COL20A1: variants seen among roughly 807,000 people sequenced by gnomAD.
COL20A1 encodes the protein collagen type XX alpha 1 chain.
In COL20A1, 164 loss-of-function variants were observed where a neutral mutation model predicts 152.9. The ratio of observed to expected loss-of-function variants is 1.07; its 90% CI spans 0.94 to 1.22. The LOEUF (loss-of-function observed/expected upper bound fraction) is 1.22, where lower values mean the gene tolerates loss of function less well. COL20A1 is among the 50% of genes most tolerant of loss of function. The probability of loss-of-function intolerance (pLI) is 0.00; values close to 1 mark genes in which losing one functional copy is unlikely to be tolerated. For synonymous variants in COL20A1, 864 were observed against 756.0 expected, an observed-to-expected ratio of 1.14 and a Z score of -2.34; for missense variants, 1,873 against 1,744.8, an observed-to-expected ratio of 1.07 and a Z score of -1.31.
In COL20A1 at chr20:63,313,825, G is replaced by A. The variant is rs373538527; in HGVS notation, c.2292G>A (p.Pro764=). 13 of 1,611,086 alleles carry A rather than the reference G, an allele frequency of 8.1e-6. 1 individual carries two copies. Among genetic ancestry groups the A allele is most frequent in the East Asian group, 4.5e-5 (2 of 44,858 alleles). Residue 764 remains proline, a synonymous_variant, in exon 18 of 36, where the codon CCG becomes CCA. Transcript: ENST00000358894. This position sits in a 1 kb window ranked among gnomAD's most constrained non-coding sequence, Gnocchi z 5.9. ...PDSLQVSWTP[P]LGRVLHYWLT... ...GCCTGCAGGTCAGCTGGACGCCCCCGCTTGGCCGCGTGCTCCATTACTGGC... is the reference window on the plus strand; with the variant it reads ...GCCTGCAGGTCAGCTGGACGCCCCCACTTGGCCGCGTGCTCCATTACTGGC...
At chr20:63,302,355 C>CT (rs543298798) in intron 3 of COL20A1, among the ~76,000 whole-genome samples, 69 of 152,260 alleles carry the variant, frequency 4.5e-4, no homozygotes, top group Non-Finnish European at 8.1e-4. Flanking sequence ...GAATCTCACT[C>CT]TGTCACTCAG....
chr20:63,312,913 G>T lies in COL20A1; in HGVS notation c.2055G>T (p.Leu685=). 1 of 1,555,726 alleles carries T rather than the reference G, an allele frequency of 6.4e-7. No individual in the cohort carries two copies. Among genetic ancestry groups the T allele is most frequent in the East Asian group, 2.4e-5 (1 of 41,450 alleles). Residue 685 remains leucine (L), a synonymous_variant, in exon 16 of 36, where the codon CTG becomes CTT. Transcript: ENST00000358894. ...VLVYQITWTP[L]GEGKAHEISV... is the part of the protein sequence containing the mutation. ...TCTACCAGATCACGTGGACGCCCCT[G>T]GGAGAGGGGAAGGCTCACGAGGTGG...
At chr20:63,309,587 C>A in intron 9 of COL20A1, 90 bp downstream of exon 9, 29 of 1,324,014 alleles carry the variant, frequency 2.2e-5, no homozygotes, top group Non-Finnish European at 2.9e-5. Context: ...CGTGTGGTAC[C>A]TGAGGCCGGC....
At position 63,319,626 on chromosome 20, in the gene COL20A1, C is replaced by A. The variant is rs772982482; in HGVS notation, c.2916+30C>A. ...TGGTGCAGCTCGCGCCCCTCTCCCC[C>A]GTTCCCCCAGCTCTGGGGCAGCCCA... On this transcript the variant is annotated intron_variant, in intron 23 of 35. Coordinates refer to ENST00000358894, the MANE Select transcript of COL20A1 (RefSeq NM_020882.4). This position sits in a 1 kb window ranked among gnomAD's most constrained non-coding sequence, Gnocchi z 4.4. The A allele has an allele frequency of 6.7e-7, 1 of 1,485,770 alleles. No individual in the cohort carries two copies. Among genetic ancestry groups the A allele is most frequent in the Non-Finnish European group, 9.2e-7 (1 of 1,089,350 alleles). The allele number at this position is 1,485,770 out of a possible 1,614,324, so 92.0% of individuals were successfully genotyped here. A position where few individuals can be genotyped will look rare whatever the true frequency, so the allele number is the denominator to read the frequency against.
At chr20:63,312,144 A>G in intron 14 of COL20A1, 89 bp downstream of exon 14, 1 of 1,401,850 alleles carries the variant, frequency 7.1e-7, no homozygotes, top group East Asian at 2.4e-5. Flanking sequence ...ACCATCAGAT[A>G]ACACATTCAA....
At chr20:63,295,659 C>T (rs1159290380) in intron 2 of COL20A1, among the ~76,000 whole-genome samples, 1 of 152,224 alleles carries the variant, frequency 6.6e-6, no homozygotes, top group Non-Finnish European at 1.5e-5. Flanking sequence ...CTCAGAAGGC[C>T]CCTCCAGTCT....
chr20:63,314,224 G>T, intron 19 of COL20A1, 23 bp downstream of exon 19: 1 of 1,545,514 alleles, frequency 6.5e-7, no homozygotes, highest in South Asian at 1.2e-5. Context: ...CAAGACCCCA[G>T]ACCCAGGTAG....
intron 1 of COL20A1, 144 bp from the exon 2 acceptor site, chr20:63,294,954 C>T (rs1253638379): frequency 3.3e-6 from 2 of 597,998 alleles, no homozygotes; most frequent in African/African-American, 3.7e-5. Flanking sequence ...TTGCAGGCCT[C>T]TGGTCCTCAC....
Position 63,305,202 on chromosome 20 carries a change from ATCT to A in COL20A1, c.194-210_194-208del, listed in dbSNP as rs1278883602. Reference sequence around the variant, plus strand: ...CCTCTAGGGGGGTTTAGTAAGTGACATCTTCTTTTCACCGCCCCAAGACCCCCA... The same window carrying A: ...CCTCTAGGGGGGTTTAGTAAGTGACATCTTTTCACCGCCCCAAGACCCCCA... On this transcript the variant is annotated intron_variant, in intron 3 of 35. Coordinates refer to ENST00000358894, the MANE Select transcript of COL20A1 (RefSeq NM_020882.4). The surrounding 1 kb of genome is among the most constrained non-coding windows in gnomAD (Gnocchi z 4.9). Among the ~76,000 whole-genome samples the A allele has an allele frequency of 6.6e-6, 1 of 151,940 alleles. No individual in the cohort carries two copies. Among genetic ancestry groups the A allele is most frequent in the African/African-American group, 2.4e-5 (1 of 41,422 alleles).
At chr20:63,321,192 C>A in intron 26 of COL20A1, 93 bp downstream of exon 26, 1 of 754,152 alleles carries the variant, frequency 1.3e-6, no homozygotes, top group Non-Finnish European at 2.2e-6. Context: ...CCTCCCGCCC[C>A]GGTCCATGCC....
chr20:63,298,333 C>T (rs1032678162), intron 3 of COL20A1, among the ~76,000 whole-genome samples: 1 of 152,140 alleles, frequency 6.6e-6, no homozygotes, highest in Non-Finnish European at 1.5e-5. Context: ...CTGTGTTGCC[C>T]AGACTGGAGT....
rs1385426887 is a variant in COL20A1, at chr20:63,307,502, T to TC, written c.511dup (p.Arg171ProfsTer9). 2.5e-6 allele frequency: 4 copies of TC among 1,611,822 alleles called. No homozygotes were observed. The South Asian group carries it at 4.4e-5, about 18-fold the overall frequency. The stretch of plus-strand genomic sequence containing the variant: ...CCCACCGCCCCAGCCGGCCCCCAGT[T>TC]CCGCTGCCTGCCCCCCGTGCCTGCT... On this transcript the variant is annotated frameshift_variant, in exon 6 of 36. Coordinates refer to ENST00000358894, the MANE Select transcript of COL20A1 (RefSeq NM_020882.4). LOFTEE classifies it high-confidence loss of function.
intron 3 of COL20A1, among the ~76,000 whole-genome samples, chr20:63,299,258 G>T (rs533776830): frequency 1.3e-5 from 2 of 152,340 alleles, no homozygotes; most frequent in African/African-American, 4.8e-5. Flanking sequence ...CCCAGGAGTG[G>T]AAGTGCCACA....
chr20:63,329,684 T>C (rs757426734), intron 35 of COL20A1, 23 bp downstream of exon 35: 1 of 1,500,978 alleles, frequency 6.7e-7, no homozygotes, highest in Non-Finnish European at 8.8e-7. Flanking sequence ...TGCCTGCATC[T>C]ATCTGCCAAG....
At position 63,322,087 on chromosome 20, in the gene COL20A1, A is replaced by G; in HGVS notation, c.3270A>G (p.Gly1090=). The change falls in exon 27 of 36, where the codon GGA becomes GGG. Residue 1090 remains glycine (G), a synonymous_variant. Coordinates refer to ENST00000358894, the MANE Select transcript of COL20A1 (RefSeq NM_020882.4). The part of the protein sequence containing the change: ...PGLPGRNGTP[G]EQGFPGPRGP... ...TCCCTGGGAGGAATGGCACCCCAGG[A>G]GAGCAGGGCTTCCCAGGGCCCAGGG... 1 of 1,502,248 alleles carries G rather than the reference A, an allele frequency of 6.7e-7. No individual in the cohort carries two copies. Among genetic ancestry groups the G allele is most frequent in the Non-Finnish European group, 8.9e-7 (1 of 1,129,766 alleles). 93.1% of individuals were successfully genotyped at this position (1,502,248 alleles called of 1,614,324 possible). A position where few individuals can be genotyped will look rare whatever the true frequency, so the allele number is the denominator to read the frequency against.
rs946570883 is a variant in COL20A1, at chr20:63,311,511, C to T, written c.1511C>T (p.Ser504Phe). ...TACCTGGTGCGATGTTCTCCTGCTT[C>T]CCCCAAGGGTGAAGAGGAGGAGCGA... is the stretch of plus-strand genomic sequence containing the variant. Reference protein sequence around the residue: ...THYLVRCSPASPKGEEEEREV... With the variant: ...THYLVRCSPAFPKGEEEEREV... Residue 504 changes from serine (S) to phenylalanine (F), a missense_variant, in exon 12 of 36, where the codon TCC becomes TTC. Physicochemically the swap from Ser to Phe is radical, Grantham distance 155. Transcript: ENST00000358894. This position sits in a 1 kb window ranked among gnomAD's most constrained non-coding sequence, Gnocchi z 4.4. The T allele has an allele frequency of 3.1e-6, 5 of 1,588,908 alleles. No homozygotes were observed. The African/African-American group carries it at 4.0e-5, about 13-fold the overall frequency.
chr20:63,295,238 C>G (rs1208109385), intron 2 of COL20A1, 49 bp downstream of exon 2: 3 of 1,228,916 alleles, frequency 2.4e-6, no homozygotes, highest in Non-Finnish European at 3.5e-6. Flanking sequence ...CCACGCCTGC[C>G]CCACCAGTGC....
intron 19 of COL20A1, 56 bp downstream of exon 19, chr20:63,314,257 G>A: frequency 6.8e-7 from 1 of 1,468,092 alleles, no homozygotes; most frequent in Non-Finnish European, 9.3e-7. Context: ...CCGGGCCCTA[G>A]ACCCCAGACC....
rs552487165 is a variant in COL20A1, at chr20:63,310,020, C to T, written c.1263+105C>T. 2.0e-5 allele frequency: 22 copies of T among 1,106,314 alleles called. No individual in the cohort carries two copies. In the South Asian group the frequency reaches 3.4e-4, roughly 17 times the overall value. 68.5% of individuals were successfully genotyped at this position (1,106,314 alleles called of 1,614,324 possible). ...ATAAAGGCCCACAAATAACTGGGTC[C>T]AGGCTGAGAAGGGGGTGTCGAGGGG... On this transcript the variant is annotated intron_variant, in intron 10 of 35. Transcript: ENST00000358894.
Sources: gnomAD v4.1 joint callset for allele counts (sites outside exome capture counted in the v4.1 genomes callset) on GRCh38, gnomAD v4.1.1 for gene constraint, Gnocchi (gnomAD v3.1) non-coding constraint, MANE v1.5 for transcripts, NCBI Gene and HGNC (gene_info 2026-07-23, HGNC 2026-07-21) for gene names.